HECW2: variants seen among roughly 807,000 people sequenced by gnomAD.
The protein encoded by HECW2 is E3 ubiquitin-protein ligase HECW2.
Under a neutral mutation model 175.2 loss-of-function variants are expected in HECW2, and 61 were observed. The ratio of observed to expected loss-of-function variants is 0.35; its 90% confidence interval spans 0.28 to 0.43. The LOEUF is 0.43. HECW2 is among the 20% of genes least tolerant of loss of function. The probability of loss-of-function intolerance (pLI) is 1.00; values close to 1 mark genes in which losing one functional copy is unlikely to be tolerated. For synonymous variants in HECW2, 671 were observed against 731.0 expected (o/e 0.92, Z 1.32); for missense variants, 1,524 against 2,000.5 (o/e 0.76, Z 4.54).
intron 21 of HECW2, among the ~76,000 whole-genome samples, chr2:196,230,814 C>T (rs182276563): frequency 6.6e-6 from 1 of 152,260 alleles, no homozygotes; most frequent in East Asian, 1.9e-4. Context: ...TTTTAAAAGC[C>T]TTAATATGGC....
chr2:196,312,762 T>C (rs139717257), intron 10 of HECW2, among the ~76,000 whole-genome samples: 1 of 152,380 alleles, frequency 6.6e-6, no homozygotes, highest in African/African-American at 2.4e-5. Context: ...TTTGGCACTT[T>C]AATCTTCAAT....
chr2:196,313,683 C>G (rs1691583491), intron 10 of HECW2, among the ~76,000 whole-genome samples: 1 of 152,110 alleles, frequency 6.6e-6, no homozygotes, highest in African/African-American at 2.4e-5. Context: ...AGAAAGCAAA[C>G]AAGTAAATCC....
Position 196,525,408 on chromosome 2 carries a change from T to C in HECW2, c.-36+68100A>G, listed in dbSNP as rs1364513950. 1.3e-3 allele frequency among the ~76,000 whole-genome samples: 186 copies of C among 147,984 alleles called. 4 individuals carry two copies. Among genetic ancestry groups the C allele is most frequent in the Admixed American group, 8.9e-3 (132 of 14,772 alleles). On this transcript the variant is annotated intron_variant, in intron 1 of 28. Coordinates refer to ENST00000644978, the MANE Select transcript of HECW2 (RefSeq NM_001348768.2). ...GATGGGTTTCCTGAATACAGCACAC[T>C]GATGGGTCTTGACTCTTTATCCAAT...
chr2:196,340,964 C>T (rs1240142412), intron 3 of HECW2, among the ~76,000 whole-genome samples: 1 of 152,060 alleles, frequency 6.6e-6, no homozygotes, highest in African/African-American at 2.4e-5. Flanking sequence ...TTCTTCATTC[C>T]CAACTCCTAG....
chr2:196,520,670 T>C (rs1316894788), intron 1 of HECW2, among the ~76,000 whole-genome samples: 1 of 152,222 alleles, frequency 6.6e-6, no homozygotes, highest in Non-Finnish European at 1.5e-5. Flanking sequence ...CTACTAGTTG[T>C]GCAGAACCAA....
At position 196,441,377 on chromosome 2, in the gene HECW2, CACAA is replaced by C. The variant is rs1337050344; in HGVS notation, c.-35-7923_-35-7920del. Reference sequence around the variant, plus strand: ...AAAGACACAACATACAACACACACACACAAACACACACACACACACTTGTTCAAC... The same window carrying C: ...AAAGACACAACATACAACACACACACACACACACACACACACTTGTTCAAC... On this transcript the variant is annotated intron_variant, in intron 1 of 28. Coordinates refer to ENST00000644978, the MANE Select transcript of HECW2 (RefSeq NM_001348768.2). 1.1e-3 allele frequency among the ~76,000 whole-genome samples: 24 copies of C among 22,788 alleles called. No homozygotes were observed. In the East Asian group the frequency reaches 0.043, roughly 41 times the overall value. The allele number at this position is 22,788 out of a possible 152,430, so 14.9% of individuals were successfully genotyped here.
chr2:196,579,136 G>C (rs1690670265), intron 1 of HECW2, among the ~76,000 whole-genome samples: 1 of 151,860 alleles, frequency 6.6e-6, no homozygotes, highest in African/African-American at 2.4e-5. Context: ...TCTGAACTAG[G>C]TTGTTTTAAG....
intron 17 of HECW2, chr2:196,260,252 T>A (rs1302210424): frequency 6.6e-6 from 1 of 152,158 alleles, no homozygotes; most frequent in Non-Finnish European, 1.5e-5. Flanking sequence ...TAAGAACATA[T>A]GAGAGGCAGG....
At chr2:196,366,351 G>C (rs1290883726) in intron 2 of HECW2, among the ~76,000 whole-genome samples, 1 of 152,194 alleles carries the variant, frequency 6.6e-6, no homozygotes, top group Non-Finnish European at 1.5e-5. Flanking sequence ...CCAAAGGACT[G>C]ATTTCCTCAT....
intron 1 of HECW2, chr2:196,592,846 C>T (rs1478091563): frequency 6.7e-6 from 1 of 150,324 alleles, no homozygotes. Flanking sequence ...CCCAAAGTCG[C>T]CCGGACCCGC....
chr2:196,319,334 G>A lies in HECW2; in HGVS notation c.1556C>T (p.Ser519Phe), dbSNP rs1344475041. 5 of 1,614,116 alleles carry A rather than the reference G, an allele frequency of 3.1e-6. No homozygotes were observed. The South Asian group carries it at 4.4e-5, about 14-fold the overall frequency. ...EDNPVENEEASTHEAASFEDK... is the reference protein window; with the variant it reads ...EDNPVENEEAFTHEAASFEDK... ...CTCAAAGGAAGCAGCTTCGTGTGTG[G>A]AGGCTTCCTCATTCTCAACAGGGTT... Residue 519 changes from serine (S) to phenylalanine (F), a missense_variant, in exon 9 of 29, where the codon TCC becomes TTC. By Grantham distance (155) the Ser-to-Phe change is radical. Coordinates refer to ENST00000644978, the MANE Select transcript of HECW2 (RefSeq NM_001348768.2).
intron 1 of HECW2, among the ~76,000 whole-genome samples, chr2:196,462,115 A>G (rs536769256): frequency 6.6e-6 from 1 of 152,234 alleles, no homozygotes; most frequent in African/African-American, 2.4e-5. Flanking sequence ...CCTCTTCATA[A>G]CATAATTTGA....
intron 17 of HECW2, chr2:196,264,288 T>C (rs566594941): frequency 1.3e-5 from 2 of 152,212 alleles, no homozygotes; most frequent in Admixed American, 6.5e-5. Context: ...AGCACTGATA[T>C]TTTGCTTTGG....
intron 1 of HECW2, among the ~76,000 whole-genome samples, chr2:196,555,790 T>TA (rs1413860250): frequency 6.6e-6 from 1 of 152,236 alleles, no homozygotes; most frequent in Non-Finnish European, 1.5e-5. Context: ...CCATTGCTCT[T>TA]ACAACAAAGT....
At position 196,295,281 on chromosome 2, in the gene HECW2, T is replaced by G. The variant is rs1251722999; in HGVS notation, c.2815-2531A>C. On this transcript the variant is annotated intron_variant, in intron 13 of 28. Coordinates refer to ENST00000644978, the MANE Select transcript of HECW2 (RefSeq NM_001348768.2). ...AAAGCAGAGAAGGAAATAACAGAAG[T>G]TGGGCAGTGTCAGAAAAAACCTAAC... Among the ~76,000 whole-genome samples the G allele has an allele frequency of 3.4e-5, 5 of 144,960 alleles. 1 individual carries two copies. The highest frequency in any genetic ancestry group is 2.7e-4 in the Admixed American group (4 of 14,660).
chr2:196,462,372 A>C (rs1696781712), intron 1 of HECW2, among the ~76,000 whole-genome samples: 1 of 152,292 alleles, frequency 6.6e-6, no homozygotes, highest in South Asian at 2.1e-4. Flanking sequence ...ATAGACTTTG[A>C]ATTCTACTCA....
intron 2 of HECW2, among the ~76,000 whole-genome samples, chr2:196,421,345 A>T (rs1695401985): frequency 6.6e-6 from 1 of 152,192 alleles, no homozygotes; most frequent in Non-Finnish European, 1.5e-5. Flanking sequence ...AATCTAGAGC[A>T]TGCCAAAGAA....
At chr2:196,298,456 G>A (rs1217517247) in intron 13 of HECW2, among the ~76,000 whole-genome samples, 1 of 151,856 alleles carries the variant, frequency 6.6e-6, no homozygotes, top group Non-Finnish European at 1.5e-5. Flanking sequence ...GGATTACTAG[G>A]TATTACAACT....
intron 1 of HECW2, among the ~76,000 whole-genome samples, chr2:196,514,735 C>T (rs1224830058): frequency 6.6e-6 from 1 of 152,148 alleles, no homozygotes; most frequent in African/African-American, 2.4e-5. Context: ...GAGCTGGACC[C>T]TCATTGGGAC....
Sources: gnomAD v4.1 joint callset for allele counts (sites outside exome capture counted in the v4.1 genomes callset) on GRCh38, gnomAD v4.1.1 for gene constraint, MANE v1.5 for transcripts, NCBI Gene and HGNC (gene_info 2026-07-23, HGNC 2026-07-21) for gene names.